The following GLIS3 variants were observed in gnomAD, a reference collection of about 807,000 sequenced individuals.
GLIS3 encodes the protein GLIS family zinc finger 3.
GLIS3 carries 53 observed loss-of-function variants against 78.6 expected under a neutral mutation model. The ratio of observed to expected loss-of-function variants is 0.67; its 90% CI spans 0.54 to 0.85. The LOEUF (loss-of-function observed/expected upper bound fraction) is 0.85. Among genes scored for constraint, GLIS3 ranks in the 40% least tolerant of loss-of-function variants. The pLI, the probability that GLIS3 is intolerant of heterozygous loss-of-function variation, is 0.00. For synonymous variants in GLIS3, 684 were observed against 509.9 expected (o/e 1.34, Z -4.60); for missense variants, 1,703 against 1,231.1 (o/e 1.38, Z -5.74).
At chr9:3,829,775 A>T (rs1817941673) in intron 9 of GLIS3, among the ~76,000 whole-genome samples, 1 of 152,186 alleles carries the variant, frequency 6.6e-6, no homozygotes, top group Non-Finnish European at 1.5e-5. Flanking sequence ...CTCTCTGAAG[A>T]GTCCTGGACA....
At chr9:4,038,599 G>A (rs1434803243) in intron 4 of GLIS3, among the ~76,000 whole-genome samples, 3 of 152,162 alleles carry the variant, frequency 2.0e-5, no homozygotes, top group Non-Finnish European at 4.4e-5. Context: ...TCTCTTTAAC[G>A]TTTTTATCCT....
At chr9:3,988,684 G>C (rs1408041241) in intron 4 of GLIS3, among the ~76,000 whole-genome samples, 2 of 151,908 alleles carry the variant, frequency 1.3e-5, no homozygotes, top group African/African-American at 2.4e-5. Context: ...ATTGGTGCTG[G>C]AGCCATCAAG....
chr9:4,403,733 T>C, the GLIS3 span, among the ~76,000 whole-genome samples: 1 of 151,422 alleles, frequency 6.6e-6, no homozygotes, highest in East Asian at 1.9e-4. Flanking sequence ...AAACACAAAA[T>C]AAAAAGCAAG....
At chr9:3,981,655 T>G (rs1819298022) in intron 4 of GLIS3, among the ~76,000 whole-genome samples, 1 of 152,182 alleles carries the variant, frequency 6.6e-6, no homozygotes, top group South Asian at 2.1e-4. Context: ...ATAGTTCCAA[T>G]TAAACTGCTT....
chr9:3,832,460 C>G (rs987668367), intron 9 of GLIS3, among the ~76,000 whole-genome samples: 1 of 152,150 alleles, frequency 6.6e-6, no homozygotes, highest in Non-Finnish European at 1.5e-5. Context: ...CTGTATACCT[C>G]TTCTTGCTCA....
intron 2 of GLIS3, among the ~76,000 whole-genome samples, chr9:4,203,233 C>G (rs141221545): frequency 6.6e-6 from 1 of 152,222 alleles, no homozygotes; most frequent in African/African-American, 2.4e-5. Context: ...TGCTCTGCAG[C>G]AGTAGTCATC....
upstream of GLIS3, among the ~76,000 whole-genome samples, chr9:4,351,442 A>G (rs923583958): frequency 1.3e-5 from 2 of 151,144 alleles, no homozygotes; most frequent in Admixed American, 1.3e-4. Context: ...TCTTTTACAT[A>G]TCTCATAAAA....
intron 2 of GLIS3, 124 bp downstream of exon 2, chr9:4,285,914 A>G: frequency 1.7e-6 from 2 of 1,185,148 alleles, no homozygotes; most frequent in South Asian, 2.5e-5. Context: ...TATCATTATG[A>G]GACCATCATC....
At chr9:4,204,048 A>G (rs570475078) in intron 2 of GLIS3, among the ~76,000 whole-genome samples, 10 of 152,342 alleles carry the variant, frequency 6.6e-5, no homozygotes, top group Admixed American at 5.9e-4. Flanking sequence ...GCATCACACA[A>G]TATACCCAGG....
At position 3,996,004 on chromosome 9, in the gene GLIS3, C is replaced by CA. The variant is rs199576326; in HGVS notation, c.1711-58816dup. 8.8e-3 allele frequency among the ~76,000 whole-genome samples: 1,314 copies of CA among 148,744 alleles called. 13 individuals carry two copies. Among genetic ancestry groups the CA allele is most frequent in the Non-Finnish European group, 0.012 (772 of 67,048 alleles). On this transcript the variant is annotated intron_variant, in intron 4 of 10. Coordinates refer to ENST00000381971, the MANE Select transcript of GLIS3 (RefSeq NM_001042413.2). Reference sequence around the variant, plus strand: ...ACTAATAAAAACAAGTTCACTGTAGCAAAAAAAAAGATAAAAGGGTGACCT... The same window carrying CA: ...ACTAATAAAAACAAGTTCACTGTAGCAAAAAAAAAAGATAAAAGGGTGACCT...
chr9:4,125,398 A>G (rs567980012), intron 3 of GLIS3, among the ~76,000 whole-genome samples: 45 of 152,298 alleles, frequency 3.0e-4, no homozygotes, highest in Admixed American at 8.5e-4. Flanking sequence ...GGACCATGCA[A>G]ATTTGCTAGG....
chr9:4,357,996 T>C, the GLIS3 span, among the ~76,000 whole-genome samples: 1 of 152,180 alleles, frequency 6.6e-6, no homozygotes, highest in Admixed American at 6.5e-5. Context: ...TATTATGCCT[T>C]TGTTTTTTAA....
At chr9:4,160,807 G>A (rs1306425291) in intron 2 of GLIS3, among the ~76,000 whole-genome samples, 1 of 152,144 alleles carries the variant, frequency 6.6e-6, no homozygotes. Context: ...GAGGCATGTA[G>A]ATGACTTCAA....
At chr9:4,407,882 A>G in the GLIS3 span, among the ~76,000 whole-genome samples, 35 of 152,306 alleles carry the variant, frequency 2.3e-4, no homozygotes, top group African/African-American at 8.2e-4. Flanking sequence ...AAGTGTTAAT[A>G]ATAGAATATA....
At chr9:4,279,322 T>TACAC (rs1363480768) in intron 2 of GLIS3, among the ~76,000 whole-genome samples, 25 of 51,960 alleles carry the variant, frequency 4.8e-4, no homozygotes, top group South Asian at 1.6e-3. Flanking sequence ...AAAATATATA[T>TACAC]ATACACACAC....
At chr9:3,939,641 A>G (rs1346502289) in intron 4 of GLIS3, among the ~76,000 whole-genome samples, 1 of 152,228 alleles carries the variant, frequency 6.6e-6, no homozygotes, top group Admixed American at 6.5e-5. Context: ...ATCAAAATCC[A>G]GCTGATATCA....
At chr9:4,265,261 T>C (rs10974422) in intron 2 of GLIS3, among the ~76,000 whole-genome samples, 1 of 151,842 alleles carries the variant, frequency 6.6e-6, no homozygotes, top group Non-Finnish European at 1.5e-5. Flanking sequence ...TGGTTTACCA[T>C]CTGTGCTAAT....
the GLIS3 span, among the ~76,000 whole-genome samples, chr9:4,397,500 C>T: frequency 6.6e-6 from 1 of 151,740 alleles, no homozygotes; most frequent in Non-Finnish European, 1.5e-5. Context: ...TTCCCCCTGA[C>T]TCCCCACCAC....
chr9:4,168,138 AGTT>A, intron 2 of GLIS3, among the ~76,000 whole-genome samples: 1 of 152,244 alleles, frequency 6.6e-6, no homozygotes, highest in South Asian at 2.1e-4. Flanking sequence ...AAATCAGACC[AGTT>A]GTTGCCTTTC....
Sources: gnomAD v4.1 joint callset for allele counts (sites outside exome capture counted in the v4.1 genomes callset) on GRCh38, gnomAD v4.1.1 for gene constraint, MANE v1.5 for transcripts, NCBI Gene and HGNC (gene_info 2026-07-23, HGNC 2026-07-21) for gene names.